Variants in NRAP observed in about 807,000 individuals in gnomAD.
NRAP encodes nebulin related anchoring protein, also known as nebulin-related-anchoring protein.
In NRAP, 189 loss-of-function variants were observed where a neutral mutation model predicts 225.9. That is an observed-to-expected ratio of 0.84 (90% CI 0.74 to 0.94). NRAP has a LOEUF of 0.94. NRAP is among the 40% of genes least tolerant of loss of function. The probability of loss-of-function intolerance (pLI) is 0.00; values close to 1 mark genes in which losing one functional copy is unlikely to be tolerated. For synonymous variants in NRAP, 769 were observed against 790.7 expected, an observed-to-expected ratio of 0.97 and a Z score of 0.46; for missense variants, 2,176 against 2,168.7, an observed-to-expected ratio of 1.00 and a Z score of -0.07.
In NRAP at chr10:113,601,266, T is replaced by C. The variant is rs532742768; in HGVS notation, c.4228-3193A>G. 1.7e-3 allele frequency among the ~76,000 whole-genome samples: 255 copies of C among 152,334 alleles called. 1 individual carries two copies. The highest frequency in any genetic ancestry group is 5.4e-3 in the African/African-American group (225 of 41,574). ...AGCATCTCTGGGTCCCCTCTGGCCC[T>C]ACCCAGAGCTTTCTCTCTGGCCTGG... On this transcript the variant is annotated intron_variant, in intron 35 of 41. Coordinates refer to ENST00000359988, the MANE Select transcript of NRAP (RefSeq NM_198060.4).
In NRAP at chr10:113,597,185, C is replaced by A; in HGVS notation, c.4333-1G>T. 1 of 1,592,586 alleles carries A rather than the reference C, an allele frequency of 6.3e-7. No individual in the cohort carries two copies. Among genetic ancestry groups the A allele is most frequent in the South Asian group, 1.1e-5 (1 of 90,614 alleles). Reference sequence around the variant, plus strand: ...TGTCTGGTTTTTTACGGTACTTGGTCTATAAGATAAAGACAAAGATTCTCA... The same window carrying A: ...TGTCTGGTTTTTTACGGTACTTGGTATATAAGATAAAGACAAAGATTCTCA... On this transcript the variant is annotated splice_acceptor_variant, in intron 36 of 41. Coordinates refer to ENST00000359988, the MANE Select transcript of NRAP (RefSeq NM_198060.4). LOFTEE classifies it high-confidence loss of function.
Position 113,652,929 on chromosome 10 carries a change from AC to A in NRAP, c.570+5del. On this transcript the variant is annotated splice_donor_5th_base_variant and intron_variant, in intron 6 of 41. Coordinates refer to ENST00000359988, the MANE Select transcript of NRAP (RefSeq NM_198060.4). ...ATCAATGGTGAAAAAGCACCCAGGC[AC>A]TCACTTGGCTGGCCAGCTGGTTGGC... 1 of 1,602,282 alleles carries A rather than the reference AC, an allele frequency of 6.2e-7. No individual in the cohort carries two copies. The highest frequency in any genetic ancestry group is 1.3e-5 in the African/African-American group (1 of 74,622).
intron 4 of NRAP, among the ~76,000 whole-genome samples, chr10:113,655,913 T>C (rs1032186993): frequency 6.6e-6 from 1 of 152,162 alleles, no homozygotes; most frequent in Non-Finnish European, 1.5e-5. Context: ...AATAGAAATA[T>C]ACTGTAAACC....
chr10:113,613,315 GAAGCTGTGGA>G (rs1337066028), intron 29 of NRAP, among the ~76,000 whole-genome samples: 1 of 152,166 alleles, frequency 6.6e-6, no homozygotes, highest in Non-Finnish European at 1.5e-5. Flanking sequence ...GAGAACACGT[GAAGCTGTGGA>G]AAGACCATGA....
chr10:113,611,366 G>A (rs557223427), intron 30 of NRAP, among the ~76,000 whole-genome samples: 1 of 152,312 alleles, frequency 6.6e-6, no homozygotes, highest in East Asian at 1.9e-4. Flanking sequence ...GCCAAACCAG[G>A]AAAGAGGTTT....
At chr10:113,627,346 A>G (rs113523272) in intron 20 of NRAP, among the ~76,000 whole-genome samples, 5 of 152,218 alleles carry the variant, frequency 3.3e-5, no homozygotes, top group African/African-American at 7.2e-5. Flanking sequence ...CGTACAGAGC[A>G]CAGAAGGAAC....
At chr10:113,661,842 C>T (rs1850698800) in intron 3 of NRAP, among the ~76,000 whole-genome samples, 1 of 152,164 alleles carries the variant, frequency 6.6e-6, no homozygotes. Flanking sequence ...TAAGTAATGA[C>T]TGAATTCAGA....
intron 35 of NRAP, among the ~76,000 whole-genome samples, chr10:113,602,126 C>T (rs749696506): frequency 6.6e-6 from 1 of 152,198 alleles, no homozygotes; most frequent in Admixed American, 6.5e-5. Flanking sequence ...AATTCATTTA[C>T]CCTGGCCTCC....
rs933961941 is a variant in NRAP at position 113,640,331 on chromosome 10, C to A, written c.1324G>T (p.Val442Phe). Reference sequence around the variant, plus strand: ...TGTTTATAATCAGCTTTGTAGGCAACCTAAAACAGGAAGAAAAGAAGAAGA... The same window carrying A: ...TGTTTATAATCAGCTTTGTAGGCAAACTAAAACAGGAAGAAAAGAAGAAGA... ...AMKVGSLASN[V>F]AYKADYKHDI... Residue 442 changes from valine (V) to phenylalanine (F), a missense_variant and splice_region_variant, in exon 14 of 42, where the codon GTT becomes TTT. By Grantham distance (50) the Val-to-Phe change is conservative. This residue lies in a region of NRAP where 1,708 missense variants were observed against 1,695.5 expected (regional missense o/e 1.01). Coordinates refer to ENST00000359988, the MANE Select transcript of NRAP (RefSeq NM_198060.4). The A allele has an allele frequency of 3.3e-6, 5 of 1,529,584 alleles. No individual in the cohort carries two copies. The highest frequency in any genetic ancestry group is 3.5e-6 in the Non-Finnish European group (4 of 1,127,614). The allele number at this position is 1,529,584 out of a possible 1,614,324, so 94.8% of individuals were successfully genotyped here.
rs138465204 is a variant in NRAP, at chr10:113,663,855, C to T, written c.28G>A (p.Gly10Arg). 2.5e-6 allele frequency: 4 copies of T among 1,613,798 alleles called. No individual in the cohort carries two copies. The highest frequency in any genetic ancestry group is 2.5e-6 in the Non-Finnish European group (3 of 1,179,864). Residue 10 changes from glycine to arginine, a missense_variant, in exon 1 of 42, where the codon GGG becomes AGG. Coordinates refer to ENST00000359988, the MANE Select transcript of NRAP (RefSeq NM_198060.4). The stretch of plus-strand genomic sequence containing the variant: ...TTCTCGGCAGGATAAACCCCATACC[C>T]ACACCTAGAACAGGGCTGCACATTC... Reference protein sequence around the residue: MNVQPCSRCGYGVYPAEKIS... With the variant: MNVQPCSRCRYGVYPAEKIS...
intron 16 of NRAP, 21 bp from the exon 17 acceptor site, chr10:113,631,985 T>A (rs1315594703): frequency 7.1e-7 from 1 of 1,415,524 alleles, no homozygotes; most frequent in Admixed American, 1.7e-5. Context: ...AAACCACAAG[T>A]GAATAGGAGT....
intron 41 of NRAP, chr10:113,589,429 T>C: frequency 1.7e-6 from 1 of 593,826 alleles, no homozygotes. Context: ...CCGGTAGGTT[T>C]GCCTCTGCAG....
chr10:113,607,399 C>CCAAAAAAAAAAAAAAAAAAAAAA (rs1847043395), intron 32 of NRAP, among the ~76,000 whole-genome samples: 1 of 68,602 alleles, frequency 1.5e-5, no homozygotes, highest in African/African-American at 5.2e-5. Context: ...GAAACTCCGT[C>CCAAAAAAAAAAAAAAAAAAAAAA]AAAAAAAAAA....
chr10:113,589,553 C>G, intron 41 of NRAP, 113 bp downstream of exon 41: 1 of 1,325,092 alleles, frequency 7.5e-7, no homozygotes, highest in Admixed American at 2.2e-5. Flanking sequence ...GCGTTTCACA[C>G]TTCTTTAGAG....
chr10:113,610,178 C>G (rs972846331), intron 31 of NRAP, among the ~76,000 whole-genome samples: 30 of 151,676 alleles, frequency 2.0e-4, no homozygotes, highest in Non-Finnish European at 4.3e-4. Flanking sequence ...GGTGAAACCC[C>G]ATCTCTACTA....
rs764115540 is a variant in NRAP, at chr10:113,590,568, G to A, written c.4956+10C>T. On this transcript the variant is annotated intron_variant, in intron 40 of 41. Coordinates refer to ENST00000359988, the MANE Select transcript of NRAP (RefSeq NM_198060.4). ...GAAGGGCCTCAAGGGAGTGGGTGGA[G>A]GTGGCTCACATCACTCTGCAGCTGG... 5.6e-6 allele frequency: 9 copies of A among 1,605,420 alleles called. No homozygotes were observed. The highest frequency in any genetic ancestry group is 7.6e-6 in the Non-Finnish European group (9 of 1,177,674).
intron 25 of NRAP, among the ~76,000 whole-genome samples, chr10:113,618,789 T>C (rs1847815894): frequency 6.6e-6 from 1 of 152,092 alleles, no homozygotes; most frequent in Non-Finnish European, 1.5e-5. Flanking sequence ...CTACTAAAAA[T>C]ACAAGAATTA....
At chr10:113,600,556 T>A (rs1846539317) in intron 35 of NRAP, among the ~76,000 whole-genome samples, 1 of 152,216 alleles carries the variant, frequency 6.6e-6, no homozygotes, top group Non-Finnish European at 1.5e-5. Flanking sequence ...AGCCACCAGC[T>A]GCCATACTGT....
At chr10:113,620,738 G>T (rs148158115) in intron 24 of NRAP, 30 bp from the exon 25 acceptor site, 2 of 1,312,470 alleles carry the variant, frequency 1.5e-6, no homozygotes, top group South Asian at 1.2e-5. Flanking sequence ...AAAAAAAAAA[G>T]CAGGCCATTG....
Sources: allele counts gnomAD v4.1 joint callset (sites outside exome capture counted in the v4.1 genomes callset), GRCh38; gene constraint gnomAD v4.1.1; regional missense constraint gnomAD v4.1.1; transcripts MANE v1.5; gene names NCBI Gene and HGNC (gene_info 2026-07-23, HGNC 2026-07-21).